Variants in POLD1 observed in about 807,000 individuals in gnomAD.
POLD1 encodes DNA polymerase delta catalytic subunit.
POLD1 carries 79 observed loss-of-function variants against 129.7 expected under a neutral mutation model. That is an observed-to-expected ratio of 0.61 (90% CI 0.51 to 0.73). POLD1 has a LOEUF of 0.73. POLD1 is among the 30% of genes least tolerant of loss of function. The pLI, the probability that POLD1 is intolerant of heterozygous loss-of-function variation, is 0.00. For synonymous variants in POLD1, 714 were observed against 683.3 expected (o/e 1.04, Z -0.70); for missense variants, 1,338 against 1,595.8 (o/e 0.84, Z 2.75).
intron 22 of POLD1, 24 bp from the exon 23 acceptor site, chr19:50,416,372 G>T: frequency 6.5e-7 from 1 of 1,547,182 alleles, no homozygotes; most frequent in Non-Finnish European, 8.7e-7. Flanking sequence ...TGGCTGCCCG[G>T]GTGTGACTGC....
chr19:50,409,022 A>G lies in POLD1; in HGVS notation c.1893-100A>G, dbSNP rs937494892. The G allele has an allele frequency of 5.3e-6, 7 of 1,325,748 alleles. No individual in the cohort carries two copies. Among genetic ancestry groups the G allele is most frequent in the Non-Finnish European group, 7.5e-6 (7 of 932,484 alleles). The allele number at this position is 1,325,748 out of a possible 1,614,324, so 82.1% of individuals were successfully genotyped here. ...ATAGTAGGGAGTGGAGGGGTGCTTG[A>G]GGGGCCTGCGTGTGCTCATGGCCAA... On this transcript the variant is annotated intron_variant, in intron 15 of 26. Coordinates refer to ENST00000440232, the MANE Select transcript of POLD1 (RefSeq NM_002691.4). This position sits in a 1 kb window ranked among gnomAD's most constrained non-coding sequence, Gnocchi z 5.8.
In POLD1 at chr19:50,417,051, T is replaced by C. The variant is rs1254226836; in HGVS notation, c.3074T>C (p.Val1025Ala). The C allele has an allele frequency of 1.9e-6, 3 of 1,550,774 alleles. No homozygotes were observed. The highest frequency in any genetic ancestry group is 2.6e-6 in the Non-Finnish European group (3 of 1,147,004). Residue 1025 changes from valine to alanine, a missense_variant, in exon 25 of 27, where the codon GTG becomes GCG. This residue lies in a region of POLD1 where 286 missense variants were observed against 277.5 expected (regional missense o/e 1.03). Coordinates refer to ENST00000440232, the MANE Select transcript of POLD1 (RefSeq NM_002691.4). ...CRTVLSHQGA[V>A]CEFCQPRESE... ...CTGACCCGCCTCCCCACAGGAGCCG[T>C]GTGTGAGTTCTGCCAGCCCCGGGAG...
intron 1 of POLD1, among the ~76,000 whole-genome samples, chr19:50,385,382 A>T (rs1352129043): frequency 1.3e-5 from 2 of 152,024 alleles, no homozygotes; most frequent in Admixed American, 1.3e-4. Flanking sequence ...CTAAGGGAGA[A>T]GCAGGTTGGG....
chr19:50,401,652 A>G (rs1179960702), intron 3 of POLD1, 126 bp from the exon 4 acceptor site: 4 of 1,014,982 alleles, frequency 3.9e-6, no homozygotes, highest in African/African-American at 1.6e-5. Flanking sequence ...GCTGAAATGG[A>G]CACAGGGAAC....
intron 3 of POLD1, 137 bp from the exon 4 acceptor site, chr19:50,401,641 G>A (rs915277027): frequency 2.2e-6 from 2 of 900,060 alleles, no homozygotes; most frequent in Non-Finnish European, 3.5e-6. Context: ...CCAGGGGGGA[G>A]GCTGAAATGG....
At chr19:50,386,432 C>T (rs1056603285) in intron 1 of POLD1, among the ~76,000 whole-genome samples, 5 of 152,198 alleles carry the variant, frequency 3.3e-5, no homozygotes, top group Non-Finnish European at 5.9e-5. Flanking sequence ...GCCACCACAC[C>T]CGGCCTAAAC....
rs2122317497 is a variant in POLD1 at position 50,406,225 on chromosome 19, C to G, written c.1286C>G (p.Ser429Cys). The G allele has an allele frequency of 6.2e-7, 1 of 1,614,044 alleles. No individual in the cohort carries two copies. The highest frequency in any genetic ancestry group is 8.5e-7 in the Non-Finnish European group (1 of 1,179,966). The change falls in exon 11 of 27, where the codon TCC becomes TGC. Residue 429 changes from serine (S) to cysteine (C), a missense_variant. By Grantham distance (112) the Ser-to-Cys change is moderately radical (BLOSUM62 -1). Transcript: ENST00000440232. The surrounding 1 kb of genome is among the most constrained non-coding windows in gnomAD (Gnocchi z 5.5). Reference sequence around the variant, plus strand: ...CTGGGCCGTGTGGCCGGCCTTTGCTCCAACATCCGGGACTCTTCATTCCAG... The same window carrying G: ...CTGGGCCGTGTGGCCGGCCTTTGCTGCAACATCCGGGACTCTTCATTCCAG... ...PFLGRVAGLC[S>C]NIRDSSFQSK...
rs112856489 is a variant in POLD1 at position 50,417,817 on chromosome 19, A to ACCCTGACCCTGC, written c.3219-20_3219-19insACCCTGCCCCTG. 5 of 1,482,092 alleles carry ACCCTGACCCTGC rather than the reference A, an allele frequency of 3.4e-6. No individual in the cohort carries two copies. In the African/African-American group the frequency reaches 7.2e-5, roughly 21 times the overall value. The allele number at this position is 1,482,092 out of a possible 1,614,324, so 91.8% of individuals were successfully genotyped here. A position where few individuals can be genotyped will look rare whatever the true frequency, so the allele number is the denominator to read the frequency against. On this transcript the variant is annotated intron_variant, in intron 26 of 26. Transcript: ENST00000440232. ...GGGCACTGGGCCTTGGCTGGTCCTGACCCTGCCCCTGCCCCCACCCGCAGC... is the reference window on the plus strand; with the variant it reads ...GGGCACTGGGCCTTGGCTGGTCCTGACCCTGACCCTGCCCCTGCCCCTGCCCCCACCCGCAGC...
intron 3 of POLD1, among the ~76,000 whole-genome samples, chr19:50,401,285 C>T (rs760608362): frequency 6.2e-4 from 83 of 133,198 alleles, no homozygotes; most frequent in Non-Finnish European, 1.1e-3. Flanking sequence ...TTATGTATAA[C>T]ATATATTATA....
At chr19:50,395,968 T>G (rs2038348478) in intron 1 of POLD1, among the ~76,000 whole-genome samples, 1 of 137,904 alleles carries the variant, frequency 7.3e-6, no homozygotes, top group African/African-American at 2.7e-5. Context: ...TCCTCCCACC[T>G]TGGCCTCCCA....
Position 50,415,469 on chromosome 19 carries a change from G to T in POLD1, c.2596G>T (p.Asp866Tyr). The T allele has an allele frequency of 1.2e-6, 2 of 1,613,114 alleles. No homozygotes were observed. Among genetic ancestry groups the T allele is most frequent in the Non-Finnish European group, 1.7e-6 (2 of 1,179,916 alleles). ...DPEGAVAHAQDVISDLLCNRI... is the reference protein window; with the variant it reads ...DPEGAVAHAQYVISDLLCNRI... ...TGAGGGCGCGGTGGCTCACGCACAG[G>T]ACGTCATCTCGGACCTGCTGTGCAA... Residue 866 changes from aspartate to tyrosine, a missense_variant, in exon 21 of 27, where the codon GAC (aspartate) becomes TAC (tyrosine). Transcript: ENST00000440232.
At chr19:50,394,792 C>T (rs2038287121) in intron 1 of POLD1, among the ~76,000 whole-genome samples, 1 of 152,138 alleles carries the variant, frequency 6.6e-6, no homozygotes, top group Non-Finnish European at 1.5e-5. Flanking sequence ...TTCCAGTAAT[C>T]CCCTCTGTCT....
In POLD1 at chr19:50,406,656, G is replaced by T. The variant is rs3219394; in HGVS notation, c.1494+139G>T. 1 of 687,828 alleles carries T rather than the reference G, an allele frequency of 1.5e-6. No individual in the cohort carries two copies. Among genetic ancestry groups the T allele is most frequent in the Non-Finnish European group, 2.5e-6 (1 of 393,280 alleles). The allele number at this position is 687,828 out of a possible 1,614,324, so 42.6% of individuals were successfully genotyped here. ...GTTATGACCTGTGACCTTACCTGAC[G>T]CCCACTTTTTCCTGACCTCTGACCC... On this transcript the variant is annotated intron_variant, in intron 12 of 26. Coordinates refer to ENST00000440232, the MANE Select transcript of POLD1 (RefSeq NM_002691.4). This position sits in a 1 kb window ranked among gnomAD's most constrained non-coding sequence, Gnocchi z 5.5.
In POLD1 at chr19:50,408,765, C is replaced by T. The variant is rs746366643; in HGVS notation, c.1776-20C>T. ...GGAACTCCTAGCCCTGACTCCCGGC[C>T]GCGGCTGCTCCCCTCCCAGGTACTA... On this transcript the variant is annotated intron_variant, in intron 14 of 26. Transcript: ENST00000440232. 2.9e-5 allele frequency: 47 copies of T among 1,613,002 alleles called. No homozygotes were observed. The highest frequency in any genetic ancestry group is 1.6e-4 in the Middle Eastern group (1 of 6,074).
At position 50,402,124 on chromosome 19, in the gene POLD1, AGT is replaced by A; in HGVS notation, c.589+2_589+3del. The A allele has an allele frequency of 1.9e-6, 3 of 1,610,016 alleles. No individual in the cohort carries two copies. Among genetic ancestry groups the A allele is most frequent in the Non-Finnish European group, 2.5e-6 (3 of 1,177,824 alleles). The stretch of plus-strand genomic sequence containing the variant: ...GGCTGTGGAACTGTGCTCCCGAGAG[AGT>A]GAGTGCTCCCCCAGGATCAGCGGGT... On this transcript the variant is annotated splice_donor_variant, in intron 5 of 26. Coordinates refer to ENST00000440232, the MANE Select transcript of POLD1 (RefSeq NM_002691.4). LOFTEE classifies it high-confidence loss of function.
In POLD1 at chr19:50,406,261, C is replaced by T. The variant is rs376711125; in HGVS notation, c.1322C>T (p.Thr441Met). ...IRDSSFQSKQ[T>M]GRRDTKVVSM... ...GACTCTTCATTCCAGTCCAAGCAGA[C>T]GGGCCGGCGGGACACCAAGGTTGTC... The change falls in exon 11 of 27, where the codon ACG (threonine) becomes ATG (methionine). Residue 441 changes from threonine to methionine, a missense_variant. This residue lies in a region of POLD1 where 720 missense variants were observed against 1,002.6 expected (regional missense o/e 0.72). Coordinates refer to ENST00000440232, the MANE Select transcript of POLD1 (RefSeq NM_002691.4). The surrounding 1 kb of genome is among the most constrained non-coding windows in gnomAD (Gnocchi z 5.5). 4.5e-5 allele frequency: 73 copies of T among 1,613,852 alleles called. No homozygotes were observed. The highest frequency in any genetic ancestry group is 2.2e-4 in the Admixed American group (13 of 59,990).
In POLD1 at chr19:50,399,372, G is replaced by A. The variant is rs2038496305; in HGVS notation, c.204G>A (p.Gly68=). ...LQSVLEGVAD[G]QVPPSAIDPR... ...CACTTCCTTCCCTTCCCCCACCAGG[G>A]CAGGTCCCACCATCAGCCATAGATC... Residue 68 remains glycine (G), a splice_region_variant and synonymous_variant, in exon 3 of 27, where the codon GGG becomes GGA. Coordinates refer to ENST00000440232, the MANE Select transcript of POLD1 (RefSeq NM_002691.4). 6.2e-7 allele frequency: 1 copy of A among 1,611,932 alleles called. No individual in the cohort carries two copies. Among genetic ancestry groups the A allele is most frequent in the Non-Finnish European group, 8.5e-7 (1 of 1,178,068 alleles).
chr19:50,404,549 A>ACTG (rs917737405), intron 10 of POLD1, among the ~76,000 whole-genome samples: 22 of 137,402 alleles, frequency 1.6e-4, no homozygotes, highest in Non-Finnish European at 2.7e-4. Context: ...GGCGTGAGCT[A>ACTG]CTGCACCCAA....
At position 50,406,484 on chromosome 19, in the gene POLD1, G is replaced by A. The variant is rs149728120; in HGVS notation, c.1461G>A (p.Glu487=). Residue 487 remains glutamate (E), a synonymous_variant, in exon 12 of 27, where the codon GAG becomes GAA. Transcript: ENST00000440232. This position sits in a 1 kb window ranked among gnomAD's most constrained non-coding sequence, Gnocchi z 5.5. ...VSFHFLGEQK[E]DVQHSIITDL... is the part of the protein sequence containing the mutation. Reference sequence around the variant, plus strand: ...TCCACTTCCTGGGCGAGCAGAAGGAGGACGTGCAGCACAGCATCATCACCG... The same window carrying A: ...TCCACTTCCTGGGCGAGCAGAAGGAAGACGTGCAGCACAGCATCATCACCG... 5.0e-6 allele frequency: 8 copies of A among 1,594,182 alleles called. No individual in the cohort carries two copies. The African/African-American group carries it at 6.7e-5, about 13-fold the overall frequency.
Sources: gnomAD v4.1 joint callset for allele counts (sites outside exome capture counted in the v4.1 genomes callset) on GRCh38, gnomAD v4.1.1 for gene constraint, gnomAD v4.1.1 regional missense constraint, Gnocchi (gnomAD v3.1) non-coding constraint, MANE v1.5 for transcripts, NCBI Gene and HGNC (gene_info 2026-07-23, HGNC 2026-07-21) for gene names.